The following SPSB4 variants were observed in gnomAD, a reference collection of about 807,000 sequenced individuals.
SPSB4 encodes splA/ryanodine receptor domain and SOCS box containing 4.
A neutral mutation model predicts 20.9 loss-of-function variants in SPSB4; 21 were observed. The ratio of observed to expected loss-of-function variants is 1.01; its 90% CI spans 0.71 to 1.45. SPSB4 has a LOEUF of 1.45. Among genes scored for constraint, SPSB4 ranks in the 40% most tolerant of loss-of-function variants. The pLI, the probability that SPSB4 is intolerant of heterozygous loss-of-function variation, is 0.00. For synonymous variants in SPSB4, 207 were observed against 183.8 expected, an observed-to-expected ratio of 1.13 and a Z score of -1.02; for missense variants, 399 against 399.2, an observed-to-expected ratio of 1.00 and a Z score of 0.00.
chr3:141,091,473 T>A (rs1938448683), intron 2 of SPSB4, among the ~76,000 whole-genome samples: 1 of 152,248 alleles, frequency 6.6e-6, no homozygotes, highest in Non-Finnish European at 1.5e-5. Context: ...GCTTTTCAAC[T>A]TTTGAATCTG....
At chr3:141,144,826 G>A (rs1402780034) in intron 2 of SPSB4, among the ~76,000 whole-genome samples, 4 of 152,276 alleles carry the variant, frequency 2.6e-5, no homozygotes, top group Non-Finnish European at 4.4e-5. Context: ...AAGCATTTTG[G>A]GCGTTGAATA....
chr3:141,066,512 C>G lies in SPSB4; in HGVS notation c.408C>G (p.Asp136Glu). 1 of 1,503,622 alleles carries G rather than the reference C, an allele frequency of 6.7e-7. No individual in the cohort carries two copies. The allele number at this position is 1,503,622 out of a possible 1,614,324, so 93.1% of individuals were successfully genotyped here. A position where few individuals can be genotyped will look rare whatever the true frequency, so the allele number is the denominator to read the frequency against. Residue 136 changes from aspartate to glutamate, a missense_variant, in exon 2 of 3, where the codon GAC (aspartate) becomes GAG (glutamate). Transcript: ENST00000310546. ...GCTACACGGCGCTGGTAGGCAGTGA[C>G]GCCGAGTCGTGGGGCTGGGACCTGG... Reference protein sequence around the residue: ...SVGYTALVGSDAESWGWDLGR... With the variant: ...SVGYTALVGSEAESWGWDLGR...
chr3:141,089,929 A>G (rs762598635), intron 2 of SPSB4, among the ~76,000 whole-genome samples: 4 of 152,122 alleles, frequency 2.6e-5, no homozygotes, highest in Non-Finnish European at 4.4e-5. Flanking sequence ...AGCTGATAAA[A>G]TCTTGCAGTG....
intron 2 of SPSB4, among the ~76,000 whole-genome samples, chr3:141,092,066 G>A (rs1938460857): frequency 6.6e-6 from 1 of 152,220 alleles, no homozygotes; most frequent in African/African-American, 2.4e-5. Context: ...CTGGCAGCAT[G>A]GGGACAGGCA....
chr3:141,063,926 G>A (rs371448078), intron 1 of SPSB4, among the ~76,000 whole-genome samples: 3 of 152,340 alleles, frequency 2.0e-5, no homozygotes, highest in South Asian at 2.1e-4. Flanking sequence ...TGCAGCTGTG[G>A]GCTTCTCCCA....
At chr3:141,139,536 A>G (rs962113067) in intron 2 of SPSB4, among the ~76,000 whole-genome samples, 5 of 152,190 alleles carry the variant, frequency 3.3e-5, no homozygotes, top group African/African-American at 9.7e-5. Context: ...GCCTGGTGGT[A>G]ACAAAATCTC....
chr3:141,145,210 G>A (rs932401166), intron 2 of SPSB4, among the ~76,000 whole-genome samples: 69 of 148,062 alleles, frequency 4.7e-4, no homozygotes, highest in African/African-American at 1.7e-3. Context: ...ATTTTAAAAA[G>A]AGAATACAAA....
chr3:141,066,938 T>C, intron 2 of SPSB4, 140 bp downstream of exon 2: 1 of 836,418 alleles, frequency 1.2e-6, no homozygotes, highest in Non-Finnish European at 1.7e-6. Flanking sequence ...CAATCCTGAC[T>C]CTCTGCTGGC....
intron 2 of SPSB4, among the ~76,000 whole-genome samples, chr3:141,069,449 G>A (rs192315791): frequency 4.6e-5 from 7 of 152,318 alleles, no homozygotes; most frequent in Admixed American, 2.6e-4. Context: ...TGCATGGAAA[G>A]GATTCTGAGT....
Position 141,120,661 on chromosome 3 carries a change from T to A in SPSB4, c.695-26481T>A, listed in dbSNP as rs547238357. Among the ~76,000 whole-genome samples the A allele has an allele frequency of 2.6e-5, 4 of 152,386 alleles. No homozygotes were observed. In the East Asian group the frequency reaches 7.7e-4, roughly 29 times the overall value. ...TGTTGAATCGATCCCTTTACCATTA[T>A]GTAATGGCCTTCTTTGTCTCTTTTG... On this transcript the variant is annotated intron_variant, in intron 2 of 2. Coordinates refer to ENST00000310546, the MANE Select transcript of SPSB4 (RefSeq NM_080862.3).
intron 2 of SPSB4, among the ~76,000 whole-genome samples, chr3:141,108,707 G>A (rs1938739223): frequency 6.6e-6 from 1 of 152,238 alleles, no homozygotes; most frequent in South Asian, 2.1e-4. Flanking sequence ...AAGGGCTCTG[G>A]GTAGTGCAGG....
At chr3:141,061,738 C>CTTTTTTTTTTTTTTTT (rs71151410) in intron 1 of SPSB4, among the ~76,000 whole-genome samples, 1 of 94,858 alleles carries the variant, frequency 1.1e-5, no homozygotes, top group African/African-American at 3.6e-5. Flanking sequence ...TTCTTTCTTT[C>CTTTTTTTTTTTTTTTT]TTTTTTTTTT....
intron 2 of SPSB4, among the ~76,000 whole-genome samples, chr3:141,090,694 G>A (rs1222726312): frequency 1.3e-5 from 2 of 152,194 alleles, no homozygotes; most frequent in East Asian, 3.9e-4. Flanking sequence ...GATGATGTTT[G>A]GCTTTTTCTC....
At chr3:141,122,707 G>A (rs571173907) in intron 2 of SPSB4, among the ~76,000 whole-genome samples, 1 of 152,354 alleles carries the variant, frequency 6.6e-6, no homozygotes, top group East Asian at 1.9e-4. Context: ...GACTGCTACG[G>A]TAGCAGTGAG....
At chr3:141,101,153 G>A (rs557233050) in intron 2 of SPSB4, among the ~76,000 whole-genome samples, 1 of 151,070 alleles carries the variant, frequency 6.6e-6, no homozygotes, top group East Asian at 1.9e-4. Context: ...GGCAGTGAAG[G>A]AGCCCCCCGA....
chr3:141,101,581 T>A (rs1330679593), intron 2 of SPSB4, among the ~76,000 whole-genome samples: 2 of 152,144 alleles, frequency 1.3e-5, no homozygotes, highest in African/African-American at 4.8e-5. Flanking sequence ...AATCCCCGCC[T>A]CGCAAAGTTC....
chr3:141,053,299 C>A (rs1936128351), intron 1 of SPSB4, among the ~76,000 whole-genome samples: 2 of 151,194 alleles, frequency 1.3e-5, no homozygotes, highest in Admixed American at 6.6e-5. Context: ...ATCCTTTACC[C>A]AAGGGCATAT....
rs191921821 is a variant in SPSB4, at chr3:141,120,599, A to G, written c.695-26543A>G. ...CCTTTATGAATCTGTGTGCTCCTGT[A>G]TTGGGTGCATTTATATTTAGGATAG... On this transcript the variant is annotated intron_variant, in intron 2 of 2. Transcript: ENST00000310546. Among the ~76,000 whole-genome samples the G allele has an allele frequency of 5.2e-3, 786 of 152,232 alleles. 4 individuals carry two copies. Among genetic ancestry groups the G allele is most frequent in the Middle Eastern group, 0.017 (5 of 294 alleles).
intron 2 of SPSB4, among the ~76,000 whole-genome samples, chr3:141,092,387 T>C (rs907892878): frequency 6.6e-6 from 1 of 152,164 alleles, no homozygotes; most frequent in Non-Finnish European, 1.5e-5. Flanking sequence ...CCAAAGCCCT[T>C]CTCCTTCACT....
Sources: gnomAD v4.1 joint callset for allele counts (sites outside exome capture counted in the v4.1 genomes callset) on GRCh38, gnomAD v4.1.1 for gene constraint, MANE v1.5 for transcripts, NCBI Gene and HGNC (gene_info 2026-07-23, HGNC 2026-07-21) for gene names.